The following GLI4 variants were observed in gnomAD, a reference collection of about 807,000 sequenced individuals.
The protein encoded by GLI4 is GLI family zinc finger 4, also known as zinc finger protein GLI4.
GLI4 carries 34 observed loss-of-function variants against 30.9 expected under a neutral mutation model. That is an observed-to-expected ratio of 1.10 (90% confidence interval 0.84 to 1.47). GLI4 has a LOEUF of 1.47. GLI4 is among the 40% of genes most tolerant of loss of function. The pLI, the probability that GLI4 is intolerant of heterozygous loss-of-function variation, is 0.00. For missense variants in GLI4, 696 were observed against 538.9 expected, an observed-to-expected ratio of 1.29 and a Z score of -2.89; for synonymous variants, 277 against 236.7, an observed-to-expected ratio of 1.17 and a Z score of -1.56.
In GLI4 at chr8:143,275,205, C is replaced by T. The variant is rs1292557033; in HGVS notation, c.223+403C>T. On this transcript the variant is annotated intron_variant, in intron 3 of 3. Transcript: ENST00000340042. ...TCCTGCATCCCCTAGATGGCCTCCC[C>T]TCAGCCTGGTTGGAGCTGTGTCCAG... 2 of 1,535,624 alleles carry T rather than the reference C, an allele frequency of 1.3e-6. 1 individual carries two copies. The highest frequency in any genetic ancestry group is 2.4e-5 in the South Asian group (2 of 83,988).
intron 1 of GLI4, chr8:143,267,850 CG>C (rs2129655580): frequency 1.0e-6 from 1 of 985,452 alleles, no homozygotes; most frequent in Admixed American, 6.1e-5. Context: ...GCCGCACCGC[CG>C]GGCGGACGCG....
intron 3 of GLI4, chr8:143,275,075 G>A (rs756001436): frequency 6.5e-7 from 1 of 1,535,636 alleles, no homozygotes. Flanking sequence ...TGGACACAGT[G>A]AATCAGGAAC....
intron 2 of GLI4, 123 bp downstream of exon 2, chr8:143,269,643 A>T: frequency 1.3e-6 from 1 of 789,662 alleles, no homozygotes; most frequent in Non-Finnish European, 2.2e-6. Context: ...ACCTGTATGC[A>T]GCTCCTTCAG....
chr8:143,276,707 A>T lies in GLI4; in HGVS notation c.1034A>T (p.His345Leu), dbSNP rs1815397356. 6.2e-7 allele frequency: 1 copy of T among 1,611,148 alleles called. No individual in the cohort carries two copies. Among genetic ancestry groups the T allele is most frequent in the Non-Finnish European group, 8.5e-7 (1 of 1,179,300 alleles). The change falls in exon 4 of 4, where the codon CAC becomes CTC. Residue 345 changes from histidine to leucine, a missense_variant. Coordinates refer to ENST00000340042, the MANE Select transcript of GLI4 (RefSeq NM_138465.4). The part of the protein sequence containing the change: ...RSHFFRHLRT[H>L]TGEKPFACGA... Reference sequence around the variant, plus strand: ...CACTTCTTCCGGCACCTGCGGACCCACACGGGCGAGAAGCCCTTCGCGTGT... The same window carrying T: ...CACTTCTTCCGGCACCTGCGGACCCTCACGGGCGAGAAGCCCTTCGCGTGT...
At chr8:143,268,410 A>G (rs561308277) in intron 1 of GLI4, among the ~76,000 whole-genome samples, 1 of 152,330 alleles carries the variant, frequency 6.6e-6, no homozygotes, top group South Asian at 2.1e-4. Context: ...CATTGGACTC[A>G]AGCCGTTTTT....
In GLI4 at chr8:143,267,490, T is replaced by C. The variant is rs1311582775; in HGVS notation, c.-38+6T>C. ...GTCCTCCTCCCGCTCGGAAGGTGAG[T>C]GGGCGCGGGCGGCGGCGGCGGCTCC... On this transcript the variant is annotated splice_donor_region_variant and intron_variant, in intron 1 of 3. Transcript: ENST00000340042. 4 of 985,120 alleles carry C rather than the reference T, an allele frequency of 4.1e-6. No individual in the cohort carries two copies. In the East Asian group the frequency reaches 4.6e-4, roughly 113 times the overall value. 61.0% of individuals were successfully genotyped at this position (985,120 alleles called of 1,614,324 possible).
chr8:143,275,155 C>T (rs753749877), intron 3 of GLI4: 527 of 1,535,640 alleles, frequency 3.4e-4, no homozygotes, highest in Non-Finnish European at 4.0e-4. Flanking sequence ...CCCAGATCCA[C>T]GAGTTATCCT....
chr8:143,267,535 A>C, intron 1 of GLI4, 51 bp downstream of exon 1: 5 of 985,672 alleles, frequency 5.1e-6, no homozygotes, highest in Non-Finnish European at 6.0e-6. Flanking sequence ...GGACCAGCCC[A>C]GTCCGAGCTC....
chr8:143,275,788 T>TC, intron 3 of GLI4, 109 bp from the exon 4 acceptor site: 1 of 1,241,636 alleles, frequency 8.1e-7, no homozygotes. Context: ...CCCCTCCTTG[T>TC]CCCCTCTAAG....
chr8:143,274,814 G>A lies in GLI4; in HGVS notation c.223+12G>A, dbSNP rs73717510. On this transcript the variant is annotated intron_variant, in intron 3 of 3. Coordinates refer to ENST00000340042, the MANE Select transcript of GLI4 (RefSeq NM_138465.4). ...CACCTTCTGGCCCGGTGAGTGAGCA[G>A]AATCGGGTTACTGGGGGACCAGAGC... 3.8e-3 allele frequency: 5,908 copies of A among 1,546,356 alleles called. 186 individuals carry two copies. The African/African-American group carries it at 0.068, about 18-fold the overall frequency.
rs1341919634 is a variant in GLI4, at chr8:143,276,913, TTC to T, written c.*111_*112del. ...CCGCATGCCACGTGTCCGGAATAAA[TTC>T]TTTTTGATTGTTGGAAGTGGGAGCC... On this transcript the variant is annotated 3_prime_UTR_variant, in exon 4 of 4. Coordinates refer to ENST00000340042, the MANE Select transcript of GLI4 (RefSeq NM_138465.4). The T allele has an allele frequency of 1.4e-6, 1 of 740,046 alleles. No individual in the cohort carries two copies. Among genetic ancestry groups the T allele is most frequent in the Non-Finnish European group, 2.1e-6 (1 of 465,320 alleles). The allele number at this position is 740,046 out of a possible 1,614,324, so 45.8% of individuals were successfully genotyped here.
chr8:143,276,882 C>A lies in GLI4; in HGVS notation c.*78C>A. On this transcript the variant is annotated 3_prime_UTR_variant, in exon 4 of 4. Coordinates refer to ENST00000340042, the MANE Select transcript of GLI4 (RefSeq NM_138465.4). ...CCCCGTCCCCCACGGTGGGCACTGC[C>A]CAGCACCGCATGCCACGTGTCCGGA... 1 of 877,128 alleles carries A rather than the reference C, an allele frequency of 1.1e-6. No individual in the cohort carries two copies. Among genetic ancestry groups the A allele is most frequent in the Non-Finnish European group, 1.7e-6 (1 of 586,990 alleles). The allele number at this position is 877,128 out of a possible 1,614,324, so 54.3% of individuals were successfully genotyped here.
Position 143,274,791 on chromosome 8 carries a change from C to A in GLI4, c.212C>A (p.Thr71Asn). 2 of 1,562,308 alleles carry A rather than the reference C, an allele frequency of 1.3e-6. No homozygotes were observed. Among genetic ancestry groups the A allele is most frequent in the Non-Finnish European group, 1.7e-6 (2 of 1,150,792 alleles). Residue 71 changes from threonine (T) to asparagine (N), a missense_variant, in exon 3 of 4, where the codon ACC becomes AAC. Transcript: ENST00000340042. ...DVEEVEIGRD[T>N]FWPDSEPKPE... ...GAGGAAGTGGAGATCGGCAGAGACA[C>A]CTTCTGGCCCGGTGAGTGAGCAGAA...
At chr8:143,275,557 T>A (rs1044357060) in intron 3 of GLI4, 28 of 1,253,776 alleles carry the variant, frequency 2.2e-5, no homozygotes, top group Middle Eastern at 3.0e-4. Flanking sequence ...AGGCTCCGGG[T>A]CCTCACCAAC....
intron 2 of GLI4, among the ~76,000 whole-genome samples, chr8:143,270,184 C>T (rs561732346): frequency 6.6e-6 from 1 of 152,388 alleles, no homozygotes; most frequent in South Asian, 2.1e-4. Context: ...TAGGTCAAGC[C>T]TGGAGAGCCC....
At chr8:143,275,701 C>A (rs1392554906) in intron 3 of GLI4, 196 bp from the exon 4 acceptor site, 2 of 1,242,394 alleles carry the variant, frequency 1.6e-6, no homozygotes, top group Non-Finnish European at 2.0e-6. Flanking sequence ...GCCCCCCACC[C>A]CTGTGTCTAT....
Position 143,275,953 on chromosome 8 carries a change from G to T in GLI4, c.280G>T (p.Glu94Ter). The change falls in exon 4 of 4, where the codon GAG becomes TAG. Residue 94 changes from glutamate (E) to a stop codon, truncating the protein, a stop_gained. Transcript: ENST00000340042. LOFTEE classifies it low-confidence loss of function (END_TRUNC). ...PRSPGSQAPD[E>*]GAGGALRSLL... ...CTCTCCTGGCTCTCAGGCCCCTGAC[G>T]AGGGGGCGGGCGGGGCGCTGCGCAG... The T allele has an allele frequency of 3.8e-6, 5 of 1,330,592 alleles. No homozygotes were observed. Among genetic ancestry groups the T allele is most frequent in the Non-Finnish European group, 4.8e-6 (5 of 1,041,430 alleles). The allele number at this position is 1,330,592 out of a possible 1,614,324, so 82.4% of individuals were successfully genotyped here.
rs748029257 is a variant in GLI4 at position 143,276,363 on chromosome 8, C to G, written c.690C>G (p.His230Gln). 5 of 1,607,236 alleles carry G rather than the reference C, an allele frequency of 3.1e-6. No homozygotes were observed. The highest frequency in any genetic ancestry group is 4.2e-6 in the Non-Finnish European group (5 of 1,178,198). ...FRGWSGFIQH[H>Q]RIHTGEKPYE... ...GCTGGTCGGGCTTCATCCAGCACCACCGCATCCACACGGGCGAGAAGCCCT... is the reference window on the plus strand; with the variant it reads ...GCTGGTCGGGCTTCATCCAGCACCAGCGCATCCACACGGGCGAGAAGCCCT... Residue 230 changes from histidine to glutamine, a missense_variant, in exon 4 of 4, where the codon CAC becomes CAG. Transcript: ENST00000340042.
chr8:143,276,276 C>T lies in GLI4; in HGVS notation c.603C>T (p.His201=). The change falls in exon 4 of 4, where the codon CAC becomes CAT. Residue 201 remains histidine, a synonymous_variant. Coordinates refer to ENST00000340042, the MANE Select transcript of GLI4 (RefSeq NM_138465.4). Reference sequence around the variant, plus strand: ...AGTATAACTCGCTGCTCCTGAAGCACCAGCGCATCCACACGGGCGAGAAGC... The same window carrying T: ...AGTATAACTCGCTGCTCCTGAAGCATCAGCGCATCCACACGGGCGAGAAGC... ...SFKYNSLLLK[H]QRIHTGEKPY... The T allele has an allele frequency of 6.2e-7, 1 of 1,612,252 alleles. No homozygotes were observed. The highest frequency in any genetic ancestry group is 8.5e-7 in the Non-Finnish European group (1 of 1,179,628).
Sources: allele counts gnomAD v4.1 joint callset (sites outside exome capture counted in the v4.1 genomes callset), GRCh38; gene constraint gnomAD v4.1.1; transcripts MANE v1.5; gene names NCBI Gene and HGNC (gene_info 2026-07-23, HGNC 2026-07-21).